The following STAMBP variants were observed in gnomAD, a reference collection of about 807,000 sequenced individuals.
STAMBP encodes STAM binding protein, also known as STAM-binding protein.
In STAMBP, 31 loss-of-function variants were observed where a neutral mutation model predicts 50.7. That is an observed-to-expected ratio of 0.61 (90% CI 0.46 to 0.83). STAMBP has a LOEUF of 0.83. Among genes scored for constraint, STAMBP ranks in the 40% least tolerant of loss-of-function variants. The pLI is 0.00. For missense variants in STAMBP, 472 were observed against 518.9 expected (o/e 0.91, Z 0.88); for synonymous variants, 211 against 192.4 (o/e 1.10, Z -0.80).
chr2:73,839,132 C>CTTCA (rs970502336), intron 2 of STAMBP, among the ~76,000 whole-genome samples: 5 of 152,190 alleles, frequency 3.3e-5, no homozygotes, highest in African/African-American at 9.6e-5. Flanking sequence ...ACTTTCTTTA[C>CTTCA]TTCAGGGTTT....
At chr2:73,830,647 G>T (rs1436637015) in intron 1 of STAMBP, among the ~76,000 whole-genome samples, 198 bp from the exon 2 acceptor site, 1 of 152,234 alleles carries the variant, frequency 6.6e-6, no homozygotes, top group Non-Finnish European at 1.5e-5. Flanking sequence ...TAGTCTGCCA[G>T]TACTCTCATC....
chr2:73,857,969 T>C (rs898303327), intron 7 of STAMBP, among the ~76,000 whole-genome samples: 4 of 151,948 alleles, frequency 2.6e-5, no homozygotes, highest in Non-Finnish European at 4.4e-5. Flanking sequence ...CCAATAATTG[T>C]TTATACTCCT....
chr2:73,860,507 T>G, intron 9 of STAMBP: 1 of 987,868 alleles, frequency 1.0e-6, no homozygotes, highest in Non-Finnish European at 1.2e-6. Flanking sequence ...ATGTTACTTT[T>G]TCCTTTCATC....
intron 2 of STAMBP, among the ~76,000 whole-genome samples, chr2:73,838,870 G>A (rs1373822808): frequency 6.6e-6 from 1 of 152,152 alleles, no homozygotes; most frequent in Non-Finnish European, 1.5e-5. Context: ...TTTTCTTGGA[G>A]ATACCTTTAA....
At position 73,864,041 on chromosome 2, in the gene STAMBP, A is replaced by G. The variant is rs1678633773; in HGVS notation, c.*1782A>G. 6.6e-6 allele frequency: 1 copy of G among 152,212 alleles called. No individual in the cohort carries two copies. Among genetic ancestry groups the G allele is most frequent in the Non-Finnish European group, 1.5e-5 (1 of 68,046 alleles). The allele number at this position is 152,212 out of a possible 1,614,324, so 9.4% of individuals were successfully genotyped here. A position where few individuals can be genotyped will look rare whatever the true frequency, so the allele number is the denominator to read the frequency against. The stretch of plus-strand genomic sequence containing the variant: ...CTTACCCCTGGCTATATATTCAAAT[A>G]TCTAGGGAGCAATTTAAAAAATACT... On this transcript the variant is annotated 3_prime_UTR_variant, in exon 10 of 10. Transcript: ENST00000394070.
intron 7 of STAMBP, among the ~76,000 whole-genome samples, chr2:73,856,160 T>C (rs780989735): frequency 6.6e-6 from 1 of 152,264 alleles, no homozygotes; most frequent in Non-Finnish European, 1.5e-5. Flanking sequence ...CCTCAAATTT[T>C]AGCATCGTGT....
intron 7 of STAMBP, among the ~76,000 whole-genome samples, chr2:73,858,159 ATT>A (rs35630978): frequency 0.35 from 23,831 of 67,804 alleles, 3,308 homozygotes; most frequent in African/African-American, 0.5. Context: ...ATTGTTTTGT[ATT>A]TTTTTTTTTT....
At chr2:73,852,296 A>G (rs1163345948) in intron 7 of STAMBP, among the ~76,000 whole-genome samples, 1 of 152,186 alleles carries the variant, frequency 6.6e-6, no homozygotes, top group African/African-American at 2.4e-5. Context: ...GGGGCCTTGC[A>G]GTGATCATCT....
chr2:73,858,644 T>C (rs1053832955), intron 7 of STAMBP, among the ~76,000 whole-genome samples: 1 of 152,168 alleles, frequency 6.6e-6, no homozygotes, highest in Non-Finnish European at 1.5e-5. Context: ...GTAGTCACCA[T>C]GTTGTATAGT....
In STAMBP at chr2:73,850,285, A is replaced by G. The variant is rs554783562; in HGVS notation, c.868-91A>G. On this transcript the variant is annotated intron_variant, in intron 6 of 9. Coordinates refer to ENST00000394070, the MANE Select transcript of STAMBP (RefSeq NM_213622.4). The surrounding 1 kb of genome is among the most constrained non-coding windows in gnomAD (Gnocchi z 4.3). The stretch of plus-strand genomic sequence containing the variant: ...CTGTGTGGGAAGGGCTTTCACTTGT[A>G]TAGATGCTTACCTTTCCACTGTCGG... The G allele has an allele frequency of 1.3e-6, 2 of 1,496,686 alleles. No individual in the cohort carries two copies. The highest frequency in any genetic ancestry group is 2.4e-5 in the East Asian group (1 of 42,370). 92.7% of individuals were successfully genotyped at this position (1,496,686 alleles called of 1,614,324 possible).
At chr2:73,868,256 G>A (rs1007102577), downstream of STAMBP, among the ~76,000 whole-genome samples, 3 of 151,182 alleles carry the variant, frequency 2.0e-5, no homozygotes, top group Non-Finnish European at 4.4e-5. Flanking sequence ...ATTCTAAATA[G>A]AACACTAAAA....
At chr2:73,845,039 A>T in intron 3 of STAMBP, 128 bp from the exon 4 acceptor site, 1 of 1,528,218 alleles carries the variant, frequency 6.5e-7, no homozygotes, top group African/African-American at 1.4e-5. Flanking sequence ...AGTAGCAGGT[A>T]TGGTACAGTA....
chr2:73,839,083 C>T (rs1675061582), intron 2 of STAMBP, among the ~76,000 whole-genome samples: 1 of 152,184 alleles, frequency 6.6e-6, no homozygotes, highest in African/African-American at 2.4e-5. Flanking sequence ...CTCTGCCTCC[C>T]CTACTACTGA....
intron 2 of STAMBP, among the ~76,000 whole-genome samples, chr2:73,841,553 T>A (rs1389754169): frequency 1.3e-5 from 2 of 151,638 alleles, no homozygotes; most frequent in African/African-American, 2.4e-5. Flanking sequence ...TGCAAGGACT[T>A]TTTTGCTTAT....
chr2:73,868,281 G>A (rs778184213), downstream of STAMBP, among the ~76,000 whole-genome samples: 1 of 151,982 alleles, frequency 6.6e-6, no homozygotes, highest in Non-Finnish European at 1.5e-5. Context: ...CATCAATCTA[G>A]TAAAGGAATA....
At chr2:73,831,664 A>G (rs1055197494) in intron 2 of STAMBP, among the ~76,000 whole-genome samples, 1 of 152,204 alleles carries the variant, frequency 6.6e-6, no homozygotes, top group African/African-American at 2.4e-5. Flanking sequence ...ATGATACATA[A>G]TTTAGAAAGG....
chr2:73,844,759 T>C, intron 2 of STAMBP, 54 bp from the exon 3 acceptor site: 1 of 1,485,966 alleles, frequency 6.7e-7, no homozygotes, highest in Non-Finnish European at 9.3e-7. Context: ...AGCTTTAGGG[T>C]CTTATGGACA....
intron 2 of STAMBP, among the ~76,000 whole-genome samples, chr2:73,834,384 G>GTATGTAT (rs938112711): frequency 1.3e-5 from 2 of 148,792 alleles, no homozygotes; most frequent in South Asian, 2.1e-4. Flanking sequence ...TTTATATATT[G>GTATGTAT]TATGTATTAT....
At chr2:73,847,972 T>C (rs1676343260) in intron 5 of STAMBP, among the ~76,000 whole-genome samples, 1 of 152,184 alleles carries the variant, frequency 6.6e-6, no homozygotes, top group African/African-American at 2.4e-5. Flanking sequence ...GAAGAGCTAA[T>C]ATTATTCTTG....
Sources: allele counts gnomAD v4.1 joint callset (sites outside exome capture counted in the v4.1 genomes callset), GRCh38; gene constraint gnomAD v4.1.1; non-coding constraint Gnocchi (gnomAD v3.1); transcripts MANE v1.5; gene names NCBI Gene and HGNC (gene_info 2026-07-23, HGNC 2026-07-21).